The following RTTN variants were observed in gnomAD, a reference collection of about 807,000 sequenced individuals.
The protein encoded by RTTN is rotatin.
Under a neutral mutation model 269.2 loss-of-function variants are expected in RTTN, and 182 were observed. That is an observed-to-expected ratio of 0.68 (90% CI 0.60 to 0.76). The LOEUF (loss-of-function observed/expected upper bound fraction) is 0.76, where lower values mean the gene tolerates loss of function less well. Among genes scored for constraint, RTTN ranks in the 30% least tolerant of loss-of-function variants. The pLI is 0.00. For synonymous variants in RTTN, 1,006 were observed against 963.5 expected (o/e 1.04, Z -0.82); for missense variants, 2,545 against 2,608.6 (o/e 0.98, Z 0.53).
chr18:70,162,007 G>A (rs1392341523), intron 14 of RTTN, among the ~76,000 whole-genome samples: 1 of 151,868 alleles, frequency 6.6e-6, no homozygotes, highest in Non-Finnish European at 1.5e-5. Flanking sequence ...TCCCTTACTG[G>A]GTATAGACCC....
At chr18:70,183,624 AAAAC>A in intron 10 of RTTN, among the ~76,000 whole-genome samples, 1 of 152,116 alleles carries the variant, frequency 6.6e-6, no homozygotes, top group South Asian at 2.1e-4. Flanking sequence ...ATCTTGAGCT[AAAAC>A]ATTCTTTGTT....
At chr18:70,193,217 CCTT>C in intron 8 of RTTN, 68 bp downstream of exon 8, 3 of 1,283,926 alleles carry the variant, frequency 2.3e-6, no homozygotes, top group East Asian at 2.6e-5. Context: ...ATAATTATCT[CCTT>C]CTGAAATTAA....
chr18:70,187,518 C>CA (rs893854850), intron 10 of RTTN, among the ~76,000 whole-genome samples: 24 of 151,350 alleles, frequency 1.6e-4, no homozygotes, highest in South Asian at 1.5e-3. Flanking sequence ...TGAAAACAAA[C>CA]AAAAAAAAAT....
chr18:70,092,004 C>A, intron 30 of RTTN, 106 bp downstream of exon 30: 1 of 596,192 alleles, frequency 1.7e-6, no homozygotes, highest in East Asian at 3.5e-5. Context: ...CTGCCCACCT[C>A]AGCCTCCCAA....
At chr18:70,129,182 C>T (rs2059938459) in intron 23 of RTTN, 1 of 152,014 alleles carries the variant, frequency 6.6e-6, no homozygotes, top group Admixed American at 6.6e-5. Context: ...AAGACACATG[C>T]ATGTGTATTT....
intron 4 of RTTN, among the ~76,000 whole-genome samples, chr18:70,201,310 A>G (rs1307984097): frequency 6.6e-6 from 1 of 152,148 alleles, no homozygotes; most frequent in Non-Finnish European, 1.5e-5. Context: ...TGCCTCAAAA[A>G]ACTCATGTTC....
In RTTN at chr18:70,127,534, C is replaced by T; in HGVS notation, c.3351G>A (p.Leu1117=). 1 of 1,613,454 alleles carries T rather than the reference C, an allele frequency of 6.2e-7. No individual in the cohort carries two copies. The change falls in exon 25 of 49, where the codon TTG becomes TTA. Residue 1117 remains leucine (L), a synonymous_variant. Transcript: ENST00000640769. ...GTGCGGTGTGCCAAGCCAAGGACTTCAAGGTAACCCCACATGGACCAGGGC... is the reference window on the plus strand; with the variant it reads ...GTGCGGTGTGCCAAGCCAAGGACTTTAAGGTAACCCCACATGGACCAGGGC... ...KGCPGPCGVT[L]KSLAWHTALN... is the part of the protein sequence containing the mutation.
chr18:70,065,338 A>G (rs2058104251), intron 35 of RTTN, among the ~76,000 whole-genome samples: 1 of 151,952 alleles, frequency 6.6e-6, no homozygotes, highest in Non-Finnish European at 1.5e-5. Context: ...TTCCCAGCAC[A>G]AGGAGCAAAA....
intron 28 of RTTN, among the ~76,000 whole-genome samples, chr18:70,096,512 T>C (rs1338516260): frequency 6.6e-6 from 1 of 152,206 alleles, no homozygotes; most frequent in African/African-American, 2.4e-5. Flanking sequence ...TTGGTGTTGA[T>C]GCTATTCCTG....
At chr18:70,159,962 A>G (rs1424023650) in intron 14 of RTTN, among the ~76,000 whole-genome samples, 1 of 152,110 alleles carries the variant, frequency 6.6e-6, no homozygotes, top group African/African-American at 2.4e-5. Flanking sequence ...CAACCAGAAA[A>G]AAACACTGGG....
rs117068070 is a variant in RTTN, at chr18:70,157,452, A to C, written c.1930-6719T>G. Among the ~76,000 whole-genome samples, 909 of 152,300 alleles carry C rather than the reference A, an allele frequency of 6.0e-3. 3 individuals are homozygous for C. Among genetic ancestry groups the C allele is most frequent in the Middle Eastern group, 0.01 (3 of 294 alleles). The stretch of plus-strand genomic sequence containing the variant: ...CCTCAATGGCATCAAATAATATAAA[A>C]GCAAAAGGCCCCATCCAAAGTACAG... On this transcript the variant is annotated intron_variant, in intron 14 of 48. Transcript: ENST00000640769.
At position 70,100,298 on chromosome 18, in the gene RTTN, C is replaced by A. The variant is rs147994577; in HGVS notation, c.3904-7494G>T. On this transcript the variant is annotated intron_variant, in intron 28 of 48. Coordinates refer to ENST00000640769, the MANE Select transcript of RTTN (RefSeq NM_173630.4). ...TTCTCCTTGAAGACGTCCTTCACAT[C>A]CCTTGTAAGTTGGATTCCTAGGTAT... Among the ~76,000 whole-genome samples the A allele has an allele frequency of 1.8e-3, 280 of 152,328 alleles. 4 individuals are homozygous for A. In the East Asian group the frequency reaches 0.037, roughly 20 times the overall value.
chr18:70,191,038 A>T (rs1245895766), intron 8 of RTTN, among the ~76,000 whole-genome samples: 1 of 152,090 alleles, frequency 6.6e-6, no homozygotes, highest in African/African-American at 2.4e-5. Context: ...AAATACAAAA[A>T]AAAAAATTCG....
intron 40 of RTTN, among the ~76,000 whole-genome samples, chr18:70,041,467 T>C (rs1164583898): frequency 3.3e-5 from 5 of 152,164 alleles, no homozygotes; most frequent in African/African-American, 1.2e-4. Context: ...ACTTGAATTC[T>C]AAGTGGTGAG....
At chr18:70,150,533 T>G (rs1003704340) in intron 15 of RTTN, 75 bp downstream of exon 15, 22 of 1,384,984 alleles carry the variant, frequency 1.6e-5, no homozygotes, top group Non-Finnish European at 4.1e-6. Context: ...CTATCTAAAC[T>G]ATATTAGAAT....
In RTTN at chr18:70,017,622, T is replaced by C; in HGVS notation, c.6206A>G (p.Lys2069Arg). ...LSLALPKGGN[K>R]HLSNLTILWL... ...AAGAATAGTCAGATTACTTAGATGT[T>C]TATTTCCTCCTTTTGGCAATGCTAG... Residue 2069 changes from lysine (K) to arginine (R), a missense_variant, in exon 46 of 49, where the codon AAA (lysine) becomes AGA (arginine). Lys to Arg is a conservative substitution (Grantham distance 26). Transcript: ENST00000640769. 1.2e-6 allele frequency: 2 copies of C among 1,613,832 alleles called. No homozygotes were observed. Among genetic ancestry groups the C allele is most frequent in the Non-Finnish European group, 1.7e-6 (2 of 1,179,802 alleles).
At chr18:70,194,455 G>A (rs990008635) in intron 7 of RTTN, 2 of 152,102 alleles carry the variant, frequency 1.3e-5, no homozygotes, top group African/African-American at 4.8e-5. Flanking sequence ...TTATTCACTG[G>A]GTATTACCCA....
intron 27 of RTTN, among the ~76,000 whole-genome samples, chr18:70,112,598 A>G (rs2059500727): frequency 6.6e-6 from 1 of 152,146 alleles, no homozygotes; most frequent in Non-Finnish European, 1.5e-5. Flanking sequence ...AAAGGGATCA[A>G]TACAGCAAGA....
rs1427037833 is a variant in RTTN at position 70,134,539 on chromosome 18, G to A, written c.2888C>T (p.Ser963Phe). Residue 963 changes from serine (S) to phenylalanine (F), a missense_variant and splice_region_variant, in exon 23 of 49, where the codon TCT becomes TTT. Ser to Phe is a radical substitution (Grantham distance 155, BLOSUM62 -2). Transcript: ENST00000640769. ...FDEVSRMDMW[S>F]VNPSNKPSLP... The stretch of plus-strand genomic sequence containing the variant: ...AGAAGGTTTATTGGAAGGATTAACA[G>A]ACCTATTTCATAAAAGAAAAACAAA... 1 of 1,599,786 alleles carries A rather than the reference G, an allele frequency of 6.3e-7. No homozygotes were observed. The highest frequency in any genetic ancestry group is 2.2e-5 in the East Asian group (1 of 44,702).
Sources: allele counts gnomAD v4.1 joint callset (sites outside exome capture counted in the v4.1 genomes callset), GRCh38; gene constraint gnomAD v4.1.1; transcripts MANE v1.5; gene names NCBI Gene and HGNC (gene_info 2026-07-23, HGNC 2026-07-21).